Variants in MYZAP observed in about 807,000 individuals in gnomAD.
MYZAP encodes the protein GRINL1A complex locus upstream.
A neutral mutation model predicts 69.4 loss-of-function variants in MYZAP; 66 were observed. That is an observed-to-expected ratio of 0.95 (90% CI 0.78 to 1.17). The LOEUF is 1.17. Among genes scored for constraint, MYZAP ranks in the 50% most tolerant of loss-of-function variants. The pLI is 0.00. For synonymous variants in MYZAP, 256 were observed against 205.9 expected, an observed-to-expected ratio of 1.24 and a Z score of -2.09; for missense variants, 611 against 556.2, an observed-to-expected ratio of 1.10 and a Z score of -0.99.
At chr15:57,627,414 G>GGGA (rs370079600) in intron 5 of MYZAP, among the ~76,000 whole-genome samples, 7 of 141,394 alleles carry the variant, frequency 5.0e-5, no homozygotes, top group Non-Finnish European at 4.6e-5. Flanking sequence ...GAGGGGAAGG[G>GGGA]GGAGGAGGAG....
intron 1 of MYZAP, among the ~76,000 whole-genome samples, chr15:57,602,123 G>C (rs1311884787): frequency 1.3e-5 from 2 of 152,086 alleles, no homozygotes; most frequent in Non-Finnish European, 2.9e-5. Flanking sequence ...TAGGCTGCAG[G>C]GTGGTTTTGC....
At chr15:57,612,813 C>T (rs928371510) in intron 2 of MYZAP, among the ~76,000 whole-genome samples, 66 of 152,196 alleles carry the variant, frequency 4.3e-4, no homozygotes, top group Admixed American at 2.3e-3. Context: ...GCTGTGAGTA[C>T]TCACAGGAAA....
chr15:57,597,883 G>A (rs1426026953), intron 1 of MYZAP, among the ~76,000 whole-genome samples: 1 of 152,156 alleles, frequency 6.6e-6, no homozygotes, highest in Non-Finnish European at 1.5e-5. Context: ...TCCTTGTGCT[G>A]AGCAGAGAGT....
chr15:57,602,967 A>G (rs184749448), intron 1 of MYZAP, among the ~76,000 whole-genome samples: 32 of 152,340 alleles, frequency 2.1e-4, no homozygotes, highest in African/African-American at 7.0e-4. Flanking sequence ...TAGGAAAATG[A>G]CTTTGCCCCT....
chr15:57,651,567 T>G (rs2037728366), intron 10 of MYZAP, among the ~76,000 whole-genome samples: 1 of 152,106 alleles, frequency 6.6e-6, no homozygotes, highest in South Asian at 2.1e-4. Flanking sequence ...CTGAACAGGG[T>G]GTGGTGTGAA....
chr15:57,632,960 T>C (rs149250049), intron 7 of MYZAP, among the ~76,000 whole-genome samples: 105 of 152,340 alleles, frequency 6.9e-4, no homozygotes, highest in African/African-American at 2.5e-3. Flanking sequence ...ACTCTCTCCA[T>C]GCCTGGAGTC....
intron 11 of MYZAP, among the ~76,000 whole-genome samples, chr15:57,666,829 A>G (rs1037773323): frequency 6.6e-6 from 1 of 152,186 alleles, no homozygotes; most frequent in East Asian, 1.9e-4. Context: ...AATAAATGTG[A>G]AAAAGAAAAT....
chr15:57,683,247 C>A (rs535876537), intron 12 of MYZAP, among the ~76,000 whole-genome samples: 1 of 152,182 alleles, frequency 6.6e-6, no homozygotes, highest in African/African-American at 2.4e-5. Flanking sequence ...AATGTCCCGA[C>A]CTCTTTGTCC....
At position 57,629,730 on chromosome 15, in the gene MYZAP, A is replaced by G. The variant is rs550096099; in HGVS notation, c.554A>G (p.Asn185Ser). Reference protein sequence around the residue: ...QKTLVDVTLENSNIKDQIRNL... With the variant: ...QKTLVDVTLESSNIKDQIRNL... ...ACCCTCGTGGATGTGACTTTGGAAA[A>G]CAGCAACATTAAGGATCAAATCAGA... is the stretch of plus-strand genomic sequence containing the variant. Residue 185 changes from asparagine to serine, a missense_variant, in exon 6 of 13, where the codon AAC becomes AGC. Coordinates refer to ENST00000267853, the MANE Select transcript of MYZAP (RefSeq NM_001018100.5). 17 of 1,609,894 alleles carry G rather than the reference A, an allele frequency of 1.1e-5. No homozygotes were observed. In the South Asian group the frequency reaches 1.8e-4, roughly 17 times the overall value.
At chr15:57,666,343 A>G (rs903423071) in intron 11 of MYZAP, among the ~76,000 whole-genome samples, 1 of 152,222 alleles carries the variant, frequency 6.6e-6, no homozygotes, top group Non-Finnish European at 1.5e-5. Flanking sequence ...GGGCTCGGAG[A>G]AAAGGACAGG....
At chr15:57,668,838 C>G (rs952720085) in intron 11 of MYZAP, among the ~76,000 whole-genome samples, 69 of 149,358 alleles carry the variant, frequency 4.6e-4, no homozygotes, top group African/African-American at 1.6e-3. Flanking sequence ...CATCCTGTGA[C>G]TTACTTTTTT....
intron 10 of MYZAP, chr15:57,647,625 G>T: frequency 1.0e-6 from 1 of 985,360 alleles, no homozygotes; most frequent in Non-Finnish European, 1.2e-6. Context: ...GCTATGAACC[G>T]TACCTGGAGG....
At chr15:57,646,288 C>G (rs2037443255) in intron 10 of MYZAP, 2 of 1,262,450 alleles carry the variant, frequency 1.6e-6, no homozygotes, top group Admixed American at 5.1e-5. Context: ...TGGTATTTAT[C>G]TATGATGAGC....
rs1438192795 is a variant in MYZAP at position 57,684,514 on chromosome 15, C to T, written c.*16C>T. ...TCTGACTTAGGCACTCAGAGGCATA[C>T]ACTTTTTACAGATGGACAAAAGCTC... On this transcript the variant is annotated 3_prime_UTR_variant, in exon 13 of 13. Coordinates refer to ENST00000267853, the MANE Select transcript of MYZAP (RefSeq NM_001018100.5). The T allele has an allele frequency of 2.0e-6, 3 of 1,507,628 alleles. No homozygotes were observed. The highest frequency in any genetic ancestry group is 2.3e-5 in the East Asian group (1 of 44,362). 93.4% of individuals were successfully genotyped at this position (1,507,628 alleles called of 1,614,324 possible). A position where few individuals can be genotyped will look rare whatever the true frequency, so the allele number is the denominator to read the frequency against.
Position 57,625,907 on chromosome 15 carries a change from A to T in MYZAP, c.525+15A>T. On this transcript the variant is annotated intron_variant, in intron 5 of 12. Coordinates refer to ENST00000267853, the MANE Select transcript of MYZAP (RefSeq NM_001018100.5). ...TTGGCCTGCAGGTACTCATCTGCTT[A>T]CTGCTATGACAGGGCAACCCAGCTT... The T allele has an allele frequency of 6.2e-7, 1 of 1,609,872 alleles. No individual in the cohort carries two copies. Among genetic ancestry groups the T allele is most frequent in the Non-Finnish European group, 8.5e-7 (1 of 1,176,198 alleles).
intron 10 of MYZAP, chr15:57,646,426 T>G (rs1480623660): frequency 9.4e-7 from 1 of 1,065,222 alleles, no homozygotes; most frequent in African/African-American, 1.7e-5. Context: ...TCAAGAGAAC[T>G]CACAGATCCA....
At chr15:57,622,838 A>G (rs545682318) in intron 4 of MYZAP, among the ~76,000 whole-genome samples, 1 of 152,352 alleles carries the variant, frequency 6.6e-6, no homozygotes, top group South Asian at 2.1e-4. Flanking sequence ...CAAAACCATG[A>G]AAAGAAAGGC....
At chr15:57,639,366 A>T (rs1381274248) in intron 9 of MYZAP, 74 bp from the exon 10 acceptor site, 1 of 1,499,560 alleles carries the variant, frequency 6.7e-7, no homozygotes, top group Non-Finnish European at 9.2e-7. Flanking sequence ...ATATTCTTTA[A>T]AGCTGTGACT....
At chr15:57,645,682 T>A (rs1249366587) in intron 10 of MYZAP, among the ~76,000 whole-genome samples, 1 of 152,202 alleles carries the variant, frequency 6.6e-6, no homozygotes, top group Admixed American at 6.5e-5. Context: ...ATACCTAAAG[T>A]TAAGTGAACT....
Sources: gnomAD v4.1 joint callset for allele counts (sites outside exome capture counted in the v4.1 genomes callset) on GRCh38, gnomAD v4.1.1 for gene constraint, MANE v1.5 for transcripts, NCBI Gene and HGNC (gene_info 2026-07-23, HGNC 2026-07-21) for gene names.